FFAR4: variants seen among roughly 807,000 people sequenced by gnomAD.
FFAR4 encodes the protein free fatty acid receptor 4, also known as G-protein coupled receptor 120.
A neutral mutation model predicts 27.0 loss-of-function variants in FFAR4; 19 were observed. That is an observed-to-expected ratio of 0.70 (90% CI 0.49 to 1.03). The LOEUF is 1.03. Ranked by LOEUF, FFAR4 falls within the 50% of genes least tolerant of loss-of-function variation. The probability of loss-of-function intolerance (pLI) is 0.00; values close to 1 mark genes in which losing one functional copy is unlikely to be tolerated. For missense variants in FFAR4, 476 were observed against 479.0 expected (o/e 0.99, Z 0.06); for synonymous variants, 254 against 215.6 (o/e 1.18, Z -1.56).
intron 2 of FFAR4, among the ~76,000 whole-genome samples, chr10:93,584,823 C>T (rs2058218083): frequency 6.6e-6 from 1 of 152,080 alleles, no homozygotes; most frequent in East Asian, 1.9e-4. Flanking sequence ...TCTCATGCCT[C>T]AGCCTCCTGA....
Position 93,566,668 on chromosome 10 carries a change from C to A in FFAR4, c.-53C>A. 2.8e-6 allele frequency: 3 copies of A among 1,060,284 alleles called. No individual in the cohort carries two copies. The highest frequency in any genetic ancestry group is 3.2e-5 in the South Asian group (2 of 62,180). The allele number at this position is 1,060,284 out of a possible 1,614,324, so 65.7% of individuals were successfully genotyped here. On this transcript the variant is annotated 5_prime_UTR_variant, in exon 1 of 3. Coordinates refer to ENST00000371481, the MANE Select transcript of FFAR4 (RefSeq NM_001195755.2). ...CTCTTTCCCCGCCTTGGCACTCAGT[C>A]GCCTCCCAGATGAGCACTCTCTCAG... is the stretch of plus-strand genomic sequence containing the variant.
At chr10:93,573,822 A>G (rs1421536513) in intron 1 of FFAR4, among the ~76,000 whole-genome samples, 2 of 152,172 alleles carry the variant, frequency 1.3e-5, no homozygotes, top group Admixed American at 1.3e-4. Context: ...GGACAGGTTC[A>G]TTGTTTCTGT....
intron 1 of FFAR4, among the ~76,000 whole-genome samples, chr10:93,569,327 T>C (rs1589673526): frequency 6.6e-6 from 1 of 152,328 alleles, no homozygotes; most frequent in African/African-American, 2.4e-5. Flanking sequence ...GCAAATGACA[T>C]TAAAAAATAA....
intron 2 of FFAR4, among the ~76,000 whole-genome samples, chr10:93,580,403 T>C (rs1436725796): frequency 6.6e-6 from 1 of 152,220 alleles, no homozygotes; most frequent in East Asian, 1.9e-4. Context: ...TGTCTCTTTT[T>C]CACATCACCC....
At chr10:93,580,506 T>C (rs1350407893) in intron 2 of FFAR4, among the ~76,000 whole-genome samples, 1 of 152,234 alleles carries the variant, frequency 6.6e-6, no homozygotes, top group Non-Finnish European at 1.5e-5. Context: ...TGGGAAATGC[T>C]GGGATAGGCT....
intron 2 of FFAR4, among the ~76,000 whole-genome samples, chr10:93,577,912 G>C (rs1456139823): frequency 6.6e-6 from 1 of 152,106 alleles, no homozygotes; most frequent in African/African-American, 2.4e-5. Flanking sequence ...CGAAGTGCTT[G>C]GGGGAAGGGA....
At chr10:93,580,671 G>A (rs775862009) in intron 2 of FFAR4, among the ~76,000 whole-genome samples, 4 of 152,188 alleles carry the variant, frequency 2.6e-5, no homozygotes, top group South Asian at 2.1e-4. Context: ...GGTGCTCCAA[G>A]AAATGCCTTT....
chr10:93,567,670 A>T (rs1437745189), intron 1 of FFAR4, among the ~76,000 whole-genome samples: 1 of 152,154 alleles, frequency 6.6e-6, no homozygotes, highest in Non-Finnish European at 1.5e-5. Flanking sequence ...CACAGATGAG[A>T]ACCAGAGGCA....
chr10:93,572,453 G>A (rs1183662185), intron 1 of FFAR4, among the ~76,000 whole-genome samples: 3 of 152,050 alleles, frequency 2.0e-5, no homozygotes, highest in Admixed American at 6.6e-5. Flanking sequence ...GGCAAAAGAC[G>A]GTGCTGGAAG....
Position 93,566,744 on chromosome 10 carries a change from A to T in FFAR4, c.24A>T (p.Ala8=). The T allele has an allele frequency of 1.2e-6, 2 of 1,601,638 alleles. No homozygotes were observed. The highest frequency in any genetic ancestry group is 2.2e-5 in the East Asian group (1 of 44,620). ...GAATGTCCCCTGAATGCGCGCGGGCAGCGGGCGACGCGCCCTTGCGCAGCC... is the reference window on the plus strand; with the variant it reads ...GAATGTCCCCTGAATGCGCGCGGGCTGCGGGCGACGCGCCCTTGCGCAGCC... MSPECAR[A]AGDAPLRSLE... is the part of the protein sequence containing the mutation. The change falls in exon 1 of 3, where the codon GCA becomes GCT. Residue 8 remains alanine, a synonymous_variant. Coordinates refer to ENST00000371481, the MANE Select transcript of FFAR4 (RefSeq NM_001195755.2).
At position 93,567,165 on chromosome 10, in the gene FFAR4, G is replaced by T. The variant is rs773465829; in HGVS notation, c.445G>T (p.Gly149Cys). Residue 149 changes from glycine (G) to cysteine (C), a missense_variant, in exon 1 of 3, where the codon GGT becomes TGT. Gly to Cys is a radical substitution (Grantham distance 159). Coordinates refer to ENST00000371481, the MANE Select transcript of FFAR4 (RefSeq NM_001195755.2). ...CGTGCACCTGCAGCGCGGCGTGCGG[G>T]GTCCTGGGCGGCGGGCGCGGGCAGT... ...CIVHLQRGVR[G>C]PGRRARAVLL... The T allele has an allele frequency of 3.6e-5, 57 of 1,604,208 alleles. No individual in the cohort carries two copies. The Admixed American group carries it at 4.5e-4, about 13-fold the overall frequency.
Position 93,582,484 on chromosome 10 carries a change from C to T in FFAR4, c.697-4736C>T, listed in dbSNP as rs552746636. Among the ~76,000 whole-genome samples the T allele has an allele frequency of 6.3e-5, 9 of 143,602 alleles. No individual in the cohort carries two copies. In the East Asian group the frequency reaches 1.3e-3, roughly 20 times the overall value. The allele number at this position is 143,602 out of a possible 152,430, so 94.2% of individuals were successfully genotyped here. A position where few individuals can be genotyped will look rare whatever the true frequency, so the allele number is the denominator to read the frequency against. ...GCTTAAACCTGGGAGGTGGAGGTTG[C>T]GGTGAGCCGAGATCACACTATTGCA... On this transcript the variant is annotated intron_variant, in intron 2 of 2. Transcript: ENST00000371481.
At position 93,587,384 on chromosome 10, in the gene FFAR4, C is replaced by T. The variant is rs1422906760; in HGVS notation, c.861C>T (p.Ile287=). 1.9e-6 allele frequency: 3 copies of T among 1,614,074 alleles called. No homozygotes were observed. In the East Asian group the frequency reaches 6.7e-5, roughly 36 times the overall value. Reference sequence around the variant, plus strand: ...CCATCATCATCACCATCCTCCTCATCCTGATCCAGAACTTCAAGCAAGACC... The same window carrying T: ...CCATCATCATCACCATCCTCCTCATTCTGATCCAGAACTTCAAGCAAGACC... ...WSPIIITILL[I]LIQNFKQDLV... is the part of the protein sequence containing the mutation. The change falls in exon 3 of 3, where the codon ATC becomes ATT. Residue 287 remains isoleucine (I), a synonymous_variant. Transcript: ENST00000371481.
At chr10:93,576,057 A>G (rs1408594989) in intron 1 of FFAR4, 34 bp from the exon 2 acceptor site, 2 of 1,611,612 alleles carry the variant, frequency 1.2e-6, no homozygotes, top group Non-Finnish European at 1.7e-6. Flanking sequence ...AGAAGCCAGC[A>G]TTTACATGAT....
chr10:93,571,611 T>TGTG (rs2058132063), intron 1 of FFAR4, among the ~76,000 whole-genome samples: 1 of 152,224 alleles, frequency 6.6e-6, no homozygotes, highest in Admixed American at 6.5e-5. Flanking sequence ...GCTAGTCATG[T>TGTG]GAACGTTCAT....
chr10:93,579,882 C>T (rs920842261), intron 2 of FFAR4, among the ~76,000 whole-genome samples: 2 of 152,130 alleles, frequency 1.3e-5, no homozygotes, highest in Non-Finnish European at 1.5e-5. Context: ...ACCTCAGTTT[C>T]GCAGGAGCCA....
chr10:93,567,015 C>A lies in FFAR4; in HGVS notation c.295C>A (p.Arg99Ser), dbSNP rs773719451. 3.5e-5 allele frequency: 56 copies of A among 1,611,694 alleles called. 1 individual carries two copies. The highest frequency in any genetic ancestry group is 4.6e-5 in the Non-Finnish European group (54 of 1,179,860). Residue 99 changes from arginine (R) to serine (S), a missense_variant, in exon 1 of 3, where the codon CGC becomes AGC. Arg to Ser is a moderately radical substitution (Grantham distance 110). Coordinates refer to ENST00000371481, the MANE Select transcript of FFAR4 (RefSeq NM_001195755.2). ...CGCTATCCCTCTGGTGCTGGCCGTGCGCTGGACTGAGGCCTGGCTGCTGGG... is the reference window on the plus strand; with the variant it reads ...CGCTATCCCTCTGGTGCTGGCCGTGAGCTGGACTGAGGCCTGGCTGCTGGG... ...ISAIPLVLAV[R>S]WTEAWLLGPV...
At position 93,587,291 on chromosome 10, in the gene FFAR4, C is replaced by T; in HGVS notation, c.768C>T (p.Ser256=). 1.9e-6 allele frequency: 3 copies of T among 1,614,080 alleles called. No homozygotes were observed. Among genetic ancestry groups the T allele is most frequent in the Non-Finnish European group, 2.5e-6 (3 of 1,179,966 alleles). Residue 256 remains serine (S), a synonymous_variant, in exon 3 of 3, where the codon TCC becomes TCT. Transcript: ENST00000371481. ...AYSESHQIRV[S]QQDFRLFRTL... ...CGGAGAGCCACCAGATCCGCGTGTC[C>T]CAGCAGGACTTCCGGCTCTTCCGCA...
rs915291541 is a variant in FFAR4 at position 93,566,894 on chromosome 10, C to T, written c.174C>T (p.Asn58=). The change falls in exon 1 of 3, where the codon AAC becomes AAT. Residue 58 remains asparagine, a synonymous_variant. Coordinates refer to ENST00000371481, the MANE Select transcript of FFAR4 (RefSeq NM_001195755.2). ...TCTTTGCAGTGTCGCTGCTGGGCAA[C>T]GTGTGCGCCCTGGTGCTGGTGGCGC... is the stretch of plus-strand genomic sequence containing the variant. The part of the protein sequence containing the change: ...VLIFAVSLLG[N]VCALVLVARR... The T allele has an allele frequency of 8.1e-6, 13 of 1,606,304 alleles. No homozygotes were observed. Among genetic ancestry groups the T allele is most frequent in the Non-Finnish European group, 1.1e-5 (13 of 1,177,738 alleles).
Sources: allele counts gnomAD v4.1 joint callset (sites outside exome capture counted in the v4.1 genomes callset), GRCh38; gene constraint gnomAD v4.1.1; transcripts MANE v1.5; gene names NCBI Gene and HGNC (gene_info 2026-07-23, HGNC 2026-07-21).